CROCC: variants seen among roughly 807,000 people sequenced by gnomAD.
CROCC encodes the protein ciliary rootlet coiled-coil, rootletin.
In CROCC, 180 loss-of-function variants were observed where a neutral mutation model predicts 245.2. The ratio of observed to expected loss-of-function variants is 0.73; its 90% CI spans 0.65 to 0.83. CROCC has a LOEUF of 0.83. Ranked by LOEUF, CROCC falls within the 40% of genes least tolerant of loss-of-function variation. The pLI is 0.00. For missense variants in CROCC, 2,688 were observed against 2,779.4 expected (o/e 0.97, Z 0.74); for synonymous variants, 1,205 against 1,241.6 (o/e 0.97, Z 0.62).
rs115882423 is a variant in CROCC, at chr1:16,930,131, A to G, written c.545A>G (p.Gln182Arg). The G allele has an allele frequency of 3.4e-3, 5,366 of 1,591,760 alleles. 2 individuals carry two copies. The African/African-American group carries it at 0.061, about 18-fold the overall frequency. Residue 182 changes from glutamine to arginine, a missense_variant, in exon 5 of 37, where the codon CAG becomes CGG. Physicochemically the swap from Gln to Arg is conservative, Grantham distance 43. Coordinates refer to ENST00000375541, the MANE Select transcript of CROCC (RefSeq NM_014675.5). ...LVQRLQGKIL[Q>R]YKKRCSELEQ... ...TCAGCTCCCCATCCCCAGATTCTCC[A>G]GTACAAGAAGAGGTGCTCGGAGCTG...
Position 16,922,656 on chromosome 1 carries a change from C to G in CROCC, c.61-7C>G, listed in dbSNP as rs1198821619. 3.1e-6 allele frequency: 5 copies of G among 1,599,208 alleles called. No individual in the cohort carries two copies. In the African/African-American group the frequency reaches 5.4e-5, roughly 17 times the overall value. On this transcript the variant is annotated splice_region_variant and splice_polypyrimidine_tract_variant and intron_variant, in intron 1 of 36. Coordinates refer to ENST00000375541, the MANE Select transcript of CROCC (RefSeq NM_014675.5). ...GTCCCCTGAAGACCCTCTCGCTTTTCCCACAGACACTGGAGAGCAGCGTCC... is the reference window on the plus strand; with the variant it reads ...GTCCCCTGAAGACCCTCTCGCTTTTGCCACAGACACTGGAGAGCAGCGTCC...
intron 31 of CROCC, 30 bp from the exon 32 acceptor site, chr1:16,969,085 GC>G: frequency 6.4e-7 from 1 of 1,569,058 alleles, no homozygotes; most frequent in Non-Finnish European, 8.7e-7. Context: ...GATGGGAACA[GC>G]CCCGATTGTT....
intron 15 of CROCC, 45 bp downstream of exon 15, chr1:16,945,651 C>T: frequency 6.3e-7 from 1 of 1,585,028 alleles, no homozygotes; most frequent in Non-Finnish European, 8.6e-7. Flanking sequence ...CCTCTGACCC[C>T]CAGCCCCAAG....
intron 13 of CROCC, chr1:16,941,087 C>T (rs1352606285): frequency 9.9e-6 from 2 of 201,596 alleles, no homozygotes; most frequent in East Asian, 3.4e-4. Flanking sequence ...TCTTGAACTC[C>T]TAGCTTCAAT....
upstream of CROCC, among the ~76,000 whole-genome samples, chr1:16,920,952 C>A (rs542407206): frequency 1.6e-4 from 24 of 152,338 alleles, no homozygotes; most frequent in African/African-American, 5.3e-4. Flanking sequence ...CCATATTGGT[C>A]AGGCTGATCT....
rs957403638 is a variant in CROCC at position 16,946,834 on chromosome 1, A to G, written c.2357A>G (p.Glu786Gly). ...CAGGAGGCCACAGTGGCGCGGGAAG[A>G]GCAGGAACGGCTAGAGGAGCTGCGG... ...AEQEATVARE[E>G]QERLEELRLE... The change falls in exon 17 of 37, where the codon GAG (glutamate) becomes GGG (glycine). Residue 786 changes from glutamate (E) to glycine (G), a missense_variant. By Grantham distance (98) the Glu-to-Gly change is moderately conservative. Around this residue, in one of 9 missense-constraint regions of CROCC, gnomAD observed 295 missense variants for 241.7 expected, o/e 1.22. Coordinates refer to ENST00000375541, the MANE Select transcript of CROCC (RefSeq NM_014675.5). The G allele has an allele frequency of 1.1e-5, 17 of 1,554,108 alleles. No homozygotes were observed. Among genetic ancestry groups the G allele is most frequent in the Non-Finnish European group, 1.5e-5 (17 of 1,148,598 alleles).
chr1:16,943,901 G>A (rs1385523092), intron 13 of CROCC, among the ~76,000 whole-genome samples, 199 bp from the exon 14 acceptor site: 4 of 152,298 alleles, frequency 2.6e-5, no homozygotes, highest in Admixed American at 1.3e-4. Flanking sequence ...GGACTGGAGA[G>A]AAGGAAAGCC....
intron 3 of CROCC, among the ~76,000 whole-genome samples, chr1:16,924,697 G>T (rs540410886): frequency 2.4e-3 from 364 of 152,266 alleles, no homozygotes; most frequent in African/African-American, 7.5e-3. Flanking sequence ...ACGTGGAATT[G>T]TAGGAATCAA....
chr1:16,945,370 C>T (rs1335211943), intron 14 of CROCC, 92 bp from the exon 15 acceptor site: 6 of 1,568,790 alleles, frequency 3.8e-6, no homozygotes, highest in Non-Finnish European at 5.2e-6. Context: ...ACTCCTGCCT[C>T]AGGCCTGGTC....
chr1:16,965,883 G>C lies in CROCC; in HGVS notation c.4566G>C (p.Gln1522His). Residue 1522 changes from glutamine (Q) to histidine (H), a missense_variant, in exon 28 of 37, where the codon CAG (glutamine) becomes CAC (histidine). Coordinates refer to ENST00000375541, the MANE Select transcript of CROCC (RefSeq NM_014675.5). ...TCCTGCAAGAGCTGCGGAGTGCCCA[G>C]AGAGAACGGGTAAGCCTGGGTGTGC... is the stretch of plus-strand genomic sequence containing the variant. ...REFLQELRSA[Q>H]RERDELRTQT... 1 of 1,613,392 alleles carries C rather than the reference G, an allele frequency of 6.2e-7. No homozygotes were observed. The highest frequency in any genetic ancestry group is 8.5e-7 in the Non-Finnish European group (1 of 1,179,894).
At chr1:16,923,054 C>T (rs1356294881) in intron 2 of CROCC, among the ~76,000 whole-genome samples, 3 of 152,290 alleles carry the variant, frequency 2.0e-5, no homozygotes, top group Non-Finnish European at 2.9e-5. Flanking sequence ...TAGCCTGCTG[C>T]AGAGATGTGA....
intron 9 of CROCC, 92 bp downstream of exon 9, chr1:16,936,965 G>A (rs2075804801): frequency 1.5e-6 from 2 of 1,314,064 alleles, no homozygotes; most frequent in Non-Finnish European, 2.1e-6. Context: ...TTCACTAGGG[G>A]AAGGGCCTTC....
intron 23 of CROCC, among the ~76,000 whole-genome samples, 188 bp downstream of exon 23, chr1:16,955,065 CAAG>C (rs762442690): frequency 3.9e-4 from 59 of 152,274 alleles, no homozygotes; most frequent in Non-Finnish European, 6.9e-4. Context: ...GATTTGGCCT[CAAG>C]GAGGGGTGAG....
intron 19 of CROCC, 102 bp downstream of exon 19, chr1:16,949,028 G>A (rs1384304059): frequency 6.8e-7 from 1 of 1,476,740 alleles, no homozygotes; most frequent in East Asian, 2.3e-5. Flanking sequence ...TGGAGTAGGA[G>A]TCTGGCTGGC....
intron 7 of CROCC, 105 bp from the exon 8 acceptor site, chr1:16,931,186 C>T: frequency 1.0e-6 from 1 of 988,874 alleles, no homozygotes; most frequent in Non-Finnish European, 1.6e-6. Flanking sequence ...AAGACCCAAT[C>T]CCTGAACGAC....
intron 18 of CROCC, 74 bp downstream of exon 18, chr1:16,948,598 G>A (rs1274644153): frequency 2.0e-6 from 3 of 1,473,180 alleles, no homozygotes; most frequent in African/African-American, 1.4e-5. Flanking sequence ...CCACACGCAG[G>A]CACGGGCCCC....
intron 25 of CROCC, 113 bp from the exon 26 acceptor site, chr1:16,958,470 G>A: frequency 2.4e-6 from 3 of 1,271,962 alleles, no homozygotes; most frequent in South Asian, 1.4e-5. Flanking sequence ...GTGGATGTGG[G>A]GTGGTATTTG....
At chr1:16,969,031 C>CA in intron 31 of CROCC, 85 bp from the exon 32 acceptor site, 1 of 1,282,466 alleles carries the variant, frequency 7.8e-7, no homozygotes, top group Non-Finnish European at 1.1e-6. Context: ...GTGGATTGGG[C>CA]ATGCCAGGTG....
chr1:16,941,048 T>TG (rs1184803557), intron 13 of CROCC: 3 of 258,282 alleles, frequency 1.2e-5, no homozygotes, highest in East Asian at 1.3e-4. Context: ...TTTGTAGAGA[T>TG]GGGGGTCTCA....
Sources: gnomAD v4.1 joint callset for allele counts (sites outside exome capture counted in the v4.1 genomes callset) on GRCh38, gnomAD v4.1.1 for gene constraint, gnomAD v4.1.1 regional missense constraint, MANE v1.5 for transcripts, NCBI Gene and HGNC (gene_info 2026-07-23, HGNC 2026-07-21) for gene names.